The following ZNF654 variants were observed in gnomAD, a reference collection of about 807,000 sequenced individuals.
The protein encoded by ZNF654 is zinc finger protein 654, also known as melanoma-associated antigen.
A neutral mutation model predicts 95.3 loss-of-function variants in ZNF654; 19 were observed. The observed-to-expected ratio is 0.20, with a 90% CI of 0.14 to 0.29. The LOEUF is 0.29. Ranked by LOEUF, ZNF654 falls within the 10% of genes least tolerant of loss-of-function variation. ZNF654 has a pLI of 1.00. For missense variants in ZNF654, 1,046 were observed against 1,341.0 expected, an observed-to-expected ratio of 0.78 and a Z score of 3.44; for synonymous variants, 413 against 457.9, an observed-to-expected ratio of 0.90 and a Z score of 1.25.
chr3:88,077,425 C>T (rs909912927), intron 1 of ZNF654, among the ~76,000 whole-genome samples: 2 of 151,790 alleles, frequency 1.3e-5, no homozygotes, highest in African/African-American at 4.8e-5. Flanking sequence ...GCTCCGCCGC[C>T]GGGTTCACTC....
chr3:88,095,413 C>G (rs1704000561), intron 2 of ZNF654: 1 of 340,008 alleles, frequency 2.9e-6, no homozygotes, highest in Non-Finnish European at 5.6e-6. Flanking sequence ...CCCTTTTAGC[C>G]CTTTGCTGTT....
At chr3:88,100,480 C>G (rs1704345684) in intron 2 of ZNF654, among the ~76,000 whole-genome samples, 1 of 152,102 alleles carries the variant, frequency 6.6e-6, no homozygotes, top group Admixed American at 6.5e-5. Flanking sequence ...TGGGTATATA[C>G]CCAGAGGATT....
chr3:88,107,676 T>C (rs1704827948), intron 2 of ZNF654, among the ~76,000 whole-genome samples: 1 of 152,148 alleles, frequency 6.6e-6, no homozygotes, highest in Non-Finnish European at 1.5e-5. Flanking sequence ...TTTCTTTGTC[T>C]TTCTGTAGGT....
Position 88,140,291 on chromosome 3 carries a change from A to G in ZNF654, c.2622A>G (p.Pro874=), listed in dbSNP as rs373266768. Residue 874 remains proline (P), a synonymous_variant, in exon 8 of 9, where the codon CCA becomes CCG. Transcript: ENST00000636215. ...HEAQHYLSKT[P]ESSAQPSETI... is the part of the protein sequence containing the mutation. Reference sequence around the variant, plus strand: ...CTCAACACTATTTAAGTAAAACACCAGAGTCATCTGCACAACCAAGTGAAA... The same window carrying G: ...CTCAACACTATTTAAGTAAAACACCGGAGTCATCTGCACAACCAAGTGAAA... The G allele has an allele frequency of 2.6e-5, 42 of 1,613,780 alleles. No individual in the cohort carries two copies. Among genetic ancestry groups the G allele is most frequent in the Non-Finnish European group, 3.3e-5 (39 of 1,179,774 alleles).
intron 3 of ZNF654, 35 bp from the exon 4 acceptor site, chr3:88,126,099 A>G (rs1203779738): frequency 1.4e-6 from 2 of 1,439,084 alleles, no homozygotes; most frequent in Admixed American, 5.1e-5. Flanking sequence ...TAACCCCTTT[A>G]AATTCACAGA....
chr3:88,095,978 C>T (rs1704034277), intron 2 of ZNF654: 1 of 264,548 alleles, frequency 3.8e-6, no homozygotes, highest in African/African-American at 2.4e-5. Context: ...CCGTGTTGCA[C>T]TGTTCTACCT....
chr3:88,111,407 C>G (rs1280130662), intron 2 of ZNF654, among the ~76,000 whole-genome samples: 1 of 151,840 alleles, frequency 6.6e-6, no homozygotes, highest in Non-Finnish European at 1.5e-5. Context: ...TCCCCCACCC[C>G]CTGACCCCTC....
chr3:88,077,381 T>C (rs1395956816), intron 1 of ZNF654, among the ~76,000 whole-genome samples: 1 of 151,104 alleles, frequency 6.6e-6, no homozygotes, highest in Non-Finnish European at 1.5e-5. Flanking sequence ...TTGCCCAGGC[T>C]GGAGTACAGT....
At chr3:88,128,047 CCAG>C (rs1706224651) in intron 4 of ZNF654, among the ~76,000 whole-genome samples, 1 of 152,078 alleles carries the variant, frequency 6.6e-6, no homozygotes, top group Non-Finnish European at 1.5e-5. Context: ...AATACGGGTT[CCAG>C]TTCCTGCTCT....
In ZNF654 at chr3:88,140,844, C is replaced by T; in HGVS notation, c.3175C>T (p.Arg1059Trp). The change falls in exon 8 of 9, where the codon CGG (arginine) becomes TGG (tryptophan). Residue 1059 changes from arginine to tryptophan, a missense_variant. Arg to Trp is a moderately radical substitution (Grantham distance 101). Around this residue, in one of 9 missense-constraint regions of ZNF654, gnomAD observed 6 missense variants for 31.0 expected, o/e 0.19. Coordinates refer to ENST00000636215, the MANE Select transcript of ZNF654 (RefSeq NM_001350134.2). The stretch of plus-strand genomic sequence containing the variant: ...ATTGCCTCCCAGTTACCTTGATGAA[C>T]GGTATCTTAGTATGCCAAAACGCAG... ...RPLPPSYLDE[R>W]YLSMPKRRKF... 6 of 1,613,548 alleles carry T rather than the reference C, an allele frequency of 3.7e-6. No homozygotes were observed. Among genetic ancestry groups the T allele is most frequent in the Non-Finnish European group, 5.1e-6 (6 of 1,179,678 alleles).
intron 1 of ZNF654, among the ~76,000 whole-genome samples, chr3:88,079,402 A>G (rs1348055634): frequency 6.6e-6 from 1 of 152,130 alleles, no homozygotes; most frequent in African/African-American, 2.4e-5. Context: ...GATGTATGTG[A>G]TAGCTGCCTT....
At position 88,139,429 on chromosome 3, in the gene ZNF654, T is replaced by A; in HGVS notation, c.1760T>A (p.Met587Lys). ...AGGAAATTTAGAAACAGAGGACTTA[T>A]GCAGAAGCATTTGAAGAATCATGTT... ...CGRKFRNRGL[M>K]QKHLKNHVKK... Residue 587 changes from methionine to lysine, a missense_variant, in exon 8 of 9, where the codon ATG becomes AAG. Physicochemically the swap from Met to Lys is moderately conservative, Grantham distance 95. This residue lies in a region of ZNF654 where 495 missense variants were observed against 537.0 expected (regional missense o/e 0.92). Coordinates refer to ENST00000636215, the MANE Select transcript of ZNF654 (RefSeq NM_001350134.2). The A allele has an allele frequency of 6.2e-7, 1 of 1,613,850 alleles. No homozygotes were observed. The highest frequency in any genetic ancestry group is 8.5e-7 in the Non-Finnish European group (1 of 1,179,804).
chr3:88,082,834 C>T (rs1708150411), intron 1 of ZNF654, among the ~76,000 whole-genome samples: 1 of 152,110 alleles, frequency 6.6e-6, no homozygotes. Flanking sequence ...GTGGCTTAAA[C>T]AACAGAAATT....
chr3:88,135,967 A>G (rs776747099), intron 7 of ZNF654, among the ~76,000 whole-genome samples: 77 of 152,098 alleles, frequency 5.1e-4, no homozygotes, highest in Admixed American at 1.0e-3. Flanking sequence ...TACATTCATT[A>G]TCACATCACT....
intron 2 of ZNF654, among the ~76,000 whole-genome samples, chr3:88,106,095 C>G (rs1025265690): frequency 6.6e-6 from 1 of 152,146 alleles, no homozygotes; most frequent in African/African-American, 2.4e-5. Context: ...GATGAGCTGC[C>G]AGAACTGGGA....
chr3:88,079,661 C>G (rs1453351096), intron 1 of ZNF654, among the ~76,000 whole-genome samples: 2 of 151,942 alleles, frequency 1.3e-5, no homozygotes, highest in African/African-American at 4.8e-5. Flanking sequence ...GTAGGTTGGA[C>G]TAGATAATCT....
chr3:88,060,215 TC>T (rs1223280294), intron 1 of ZNF654, among the ~76,000 whole-genome samples: 2 of 152,170 alleles, frequency 1.3e-5, no homozygotes, highest in African/African-American at 4.8e-5. Context: ...CCGGTTAACA[TC>T]ACCAACCCCC....
At chr3:88,089,284 G>T (rs1166505864) in intron 2 of ZNF654, among the ~76,000 whole-genome samples, 4 of 149,566 alleles carry the variant, frequency 2.7e-5, no homozygotes, top group African/African-American at 7.4e-5. Context: ...AAGGTCAAGA[G>T]ATCGAGACCA....
intron 3 of ZNF654, among the ~76,000 whole-genome samples, chr3:88,116,483 G>T (rs973527562): frequency 6.6e-6 from 1 of 151,540 alleles, no homozygotes; most frequent in Non-Finnish European, 1.5e-5. Flanking sequence ...TCACACCATC[G>T]CACTCCATCC....
Sources: allele counts gnomAD v4.1 joint callset (sites outside exome capture counted in the v4.1 genomes callset), GRCh38; gene constraint gnomAD v4.1.1; regional missense constraint gnomAD v4.1.1; transcripts MANE v1.5; gene names NCBI Gene and HGNC (gene_info 2026-07-23, HGNC 2026-07-21).